GRAMD4: variants seen among roughly 807,000 people sequenced by gnomAD.
GRAMD4 encodes GRAM domain-containing protein 4.
A neutral mutation model predicts 83.9 loss-of-function variants in GRAMD4; 25 were observed. That is an observed-to-expected ratio of 0.30 (90% CI 0.22 to 0.42). The LOEUF (loss-of-function observed/expected upper bound fraction) is 0.42. Among genes scored for constraint, GRAMD4 ranks in the 10% least tolerant of loss-of-function variants. GRAMD4 has a pLI of 1.00. For synonymous variants in GRAMD4, 336 were observed against 320.9 expected (o/e 1.05, Z -0.50); for missense variants, 593 against 788.7 (o/e 0.75, Z 2.97).
At chr22:46,649,296 CTGCTGGGTGCCAAGCGCTTGGT>C (rs2082130897) in intron 3 of GRAMD4, among the ~76,000 whole-genome samples, 2 of 152,102 alleles carry the variant, frequency 1.3e-5, no homozygotes, top group African/African-American at 4.8e-5. Flanking sequence ...GAGGGCTTGG[CTGCTGGGTGCCAAGCGCTTGGT>C]TGGAAAGGGA....
chr22:46,665,686 C>A lies in GRAMD4; in HGVS notation c.789C>A (p.Ser263=). The change falls in exon 9 of 19, where the codon TCC becomes TCA. Residue 263 remains serine (S), a synonymous_variant. Transcript: ENST00000406902. ...LFLFLAILRL[S]LNYLIARGWR... ...TATTTCTAGCAATTCTGAGGTTATC[C>A]CTCAATTACCTCATCGCCAGGTAGG... is the stretch of plus-strand genomic sequence containing the variant. 1 of 1,581,496 alleles carries A rather than the reference C, an allele frequency of 6.3e-7. No individual in the cohort carries two copies. The highest frequency in any genetic ancestry group is 1.1e-5 in the South Asian group (1 of 90,408).
intron 3 of GRAMD4, among the ~76,000 whole-genome samples, chr22:46,641,655 C>T (rs1000392752): frequency 2.0e-5 from 3 of 152,126 alleles, no homozygotes; most frequent in Non-Finnish European, 2.9e-5. Context: ...GCTTCCTGGT[C>T]GTGGCGGGGT....
chr22:46,605,949 CTTATGG>C (rs2081361907), intron 1 of GRAMD4, among the ~76,000 whole-genome samples: 2 of 128,768 alleles, frequency 1.6e-5, no homozygotes. Flanking sequence ...TCTGCATGGG[CTTATGG>C]CTGGTGCTGA....
intron 1 of GRAMD4, among the ~76,000 whole-genome samples, chr22:46,586,288 GC>G (rs1324063772): frequency 7.9e-5 from 12 of 151,572 alleles, no homozygotes; most frequent in African/African-American, 2.7e-4. Context: ...CGCCCCACGT[GC>G]CCCACCCCCA....
At chr22:46,603,293 C>T (rs542829678) in intron 1 of GRAMD4, among the ~76,000 whole-genome samples, 140 of 148,752 alleles carry the variant, frequency 9.4e-4, no homozygotes, top group African/African-American at 3.3e-3. Context: ...CTGCAAGCTC[C>T]GCCTCCTGGG....
At chr22:46,653,233 G>A (rs758889346) in intron 3 of GRAMD4, among the ~76,000 whole-genome samples, 3 of 152,358 alleles carry the variant, frequency 2.0e-5, no homozygotes, top group South Asian at 2.1e-4. Context: ...GGGCCGTGCC[G>A]CCCGCTGCCC....
intron 1 of GRAMD4, among the ~76,000 whole-genome samples, chr22:46,624,421 C>T (rs991880443): frequency 6.7e-6 from 1 of 149,700 alleles, no homozygotes; most frequent in Non-Finnish European, 1.5e-5. Context: ...CTCCGCCTCC[C>T]GGGTTCAAGC....
intron 17 of GRAMD4, among the ~76,000 whole-genome samples, chr22:46,676,173 C>T (rs17821673): frequency 0.23 from 34,901 of 152,090 alleles, 4,696 homozygotes; most frequent in East Asian, 0.38. Flanking sequence ...CTCTCCCACC[C>T]GGCTCTGGAA....
rs553769998 is a variant in GRAMD4 at position 46,679,168 on chromosome 22, A to G, written c.*1917A>G. 6.1e-6 allele frequency: 6 copies of G among 984,734 alleles called. No homozygotes were observed. Among genetic ancestry groups the G allele is most frequent in the Non-Finnish European group, 7.2e-6 (6 of 829,362 alleles). The allele number at this position is 984,734 out of a possible 1,614,324, so 61.0% of individuals were successfully genotyped here. A position where few individuals can be genotyped will look rare whatever the true frequency, so the allele number is the denominator to read the frequency against. The stretch of plus-strand genomic sequence containing the variant: ...CTCTCCCCAGGGCCCGGCAGTGCCC[A>G]AGGATGGGTCCGGGGCCTCGGGGCC... On this transcript the variant is annotated 3_prime_UTR_variant, in exon 19 of 19. Transcript: ENST00000406902.
At chr22:46,587,797 C>A in intron 1 of GRAMD4, 1 of 575,558 alleles carries the variant, frequency 1.7e-6, no homozygotes, top group Non-Finnish European at 2.2e-6. Flanking sequence ...GGAGCCTGAC[C>A]TGCCTAACAG....
intron 3 of GRAMD4, among the ~76,000 whole-genome samples, chr22:46,647,906 C>T (rs994738011): frequency 5.9e-5 from 9 of 152,238 alleles, no homozygotes; most frequent in Non-Finnish European, 1.3e-4. Context: ...GTCCTGATGT[C>T]CCAGCTCTGT....
chr22:46,673,444 C>T (rs903355558), intron 14 of GRAMD4, among the ~76,000 whole-genome samples: 4 of 152,252 alleles, frequency 2.6e-5, no homozygotes, highest in African/African-American at 9.6e-5. Flanking sequence ...GGCCTCGGTG[C>T]TCCCTTCGGG....
chr22:46,669,466 C>T (rs1296824419), intron 13 of GRAMD4, among the ~76,000 whole-genome samples: 1 of 152,154 alleles, frequency 6.6e-6, no homozygotes, highest in African/African-American at 2.4e-5. Flanking sequence ...CCAGGAGGCG[C>T]TCATCCACTG....
chr22:46,672,421 G>A lies in GRAMD4; in HGVS notation c.1085-422G>A, dbSNP rs2082523728. On this transcript the variant is annotated intron_variant, in intron 13 of 18. Transcript: ENST00000406902. The surrounding 1 kb of genome is among the most constrained non-coding windows in gnomAD (Gnocchi z 4.7). ...GGGCAGGTGGGAGGGGGTTTGGGGA[G>A]GGATTGCCATGGAGGGACCTCAGAT... Among the ~76,000 whole-genome samples, 2 of 151,996 alleles carry A rather than the reference G, an allele frequency of 1.3e-5. No individual in the cohort carries two copies. Among genetic ancestry groups the A allele is most frequent in the African/African-American group, 2.4e-5 (1 of 41,364 alleles).
chr22:46,657,904 A>G (rs964784942), intron 3 of GRAMD4, among the ~76,000 whole-genome samples: 34 of 152,092 alleles, frequency 2.2e-4, no homozygotes, highest in Non-Finnish European at 4.7e-4. Context: ...ACTGTTATGA[A>G]GCATAGTGAG....
intron 4 of GRAMD4, 70 bp downstream of exon 4, chr22:46,658,377 G>T: frequency 2.0e-6 from 2 of 995,978 alleles, no homozygotes; most frequent in Non-Finnish European, 2.7e-6. Context: ...CCGCCCCGCC[G>T]TCCTCTGCTG....
chr22:46,641,424 C>G lies in GRAMD4; in HGVS notation c.283+3464C>G, dbSNP rs190311491. Among the ~76,000 whole-genome samples, 651 of 151,236 alleles carry G rather than the reference C, an allele frequency of 4.3e-3. 4 individuals carry two copies. Among genetic ancestry groups the G allele is most frequent in the African/African-American group, 0.015 (624 of 41,072 alleles). ...GGAAGGAAGGAAGGAAGGAAGGAAA[C>G]AAATAAATGTCCCTGATGAGGTCTC... On this transcript the variant is annotated intron_variant, in intron 3 of 18. Coordinates refer to ENST00000406902, the MANE Select transcript of GRAMD4 (RefSeq NM_015124.5).
At chr22:46,582,743 T>C (rs534487914) in intron 1 of GRAMD4, among the ~76,000 whole-genome samples, 1 of 152,262 alleles carries the variant, frequency 6.6e-6, no homozygotes, top group African/African-American at 2.4e-5. Context: ...AGCGTCTTTA[T>C]TGAGGTGTAA....
intron 2 of GRAMD4, among the ~76,000 whole-genome samples, chr22:46,636,929 G>A (rs1268604754): frequency 1.3e-5 from 2 of 152,244 alleles, no homozygotes; most frequent in African/African-American, 2.4e-5. Context: ...GAGCAGACAG[G>A]ATGACGAGGC....
Sources: allele counts gnomAD v4.1 joint callset (sites outside exome capture counted in the v4.1 genomes callset), GRCh38; gene constraint gnomAD v4.1.1; non-coding constraint Gnocchi (gnomAD v3.1); transcripts MANE v1.5; gene names NCBI Gene and HGNC (gene_info 2026-07-23, HGNC 2026-07-21).